PHACTR2: variants seen among roughly 807,000 people sequenced by gnomAD.
The protein encoded by PHACTR2 is phosphatase and actin regulator 2.
In PHACTR2, 30 loss-of-function variants were observed where a neutral mutation model predicts 76.0. The ratio of observed to expected loss-of-function variants is 0.39; its 90% confidence interval spans 0.30 to 0.54. PHACTR2 has a LOEUF of 0.54. Among genes scored for constraint, PHACTR2 ranks in the 20% least tolerant of loss-of-function variants. PHACTR2 has a pLI of 0.61. For synonymous variants in PHACTR2, 292 were observed against 292.5 expected (o/e 1.00, Z 0.02); for missense variants, 696 against 781.1 (o/e 0.89, Z 1.30).
At chr6:143,661,592 C>T (rs1167155928) in intron 1 of PHACTR2, among the ~76,000 whole-genome samples, 7 of 145,950 alleles carry the variant, frequency 4.8e-5, no homozygotes, top group South Asian at 2.1e-4. Flanking sequence ...GAGGCAGTCT[C>T]GCTCTGTCAC....
intron 1 of PHACTR2, among the ~76,000 whole-genome samples, chr6:143,637,142 G>A (rs1163892769): frequency 2.6e-5 from 4 of 152,110 alleles, no homozygotes; most frequent in Non-Finnish European, 2.9e-5. Flanking sequence ...ACCGGGGGTG[G>A]TGCAAATGGT....
rs896378780 is a variant in PHACTR2 at position 143,656,049 on chromosome 6, A to T, written c.13+47727A>T. ...CTTATCCTAAGGTGATTACCGGGGG[A>T]AATATTTAAAAGAAGCATCAGTGGA... On this transcript the variant is annotated intron_variant, in intron 1 of 11. Transcript: ENST00000305766. This position sits in a 1 kb window ranked among gnomAD's most constrained non-coding sequence, Gnocchi z 5.3. Among the ~76,000 whole-genome samples the T allele has an allele frequency of 2.0e-5, 3 of 152,154 alleles. No individual in the cohort carries two copies. Among genetic ancestry groups the T allele is most frequent in the African/African-American group, 7.2e-5 (3 of 41,438 alleles).
At chr6:143,655,404 C>T (rs756362143) in intron 1 of PHACTR2, among the ~76,000 whole-genome samples, 3 of 152,008 alleles carry the variant, frequency 2.0e-5, no homozygotes, top group Non-Finnish European at 2.9e-5. Context: ...GTGATGGTCA[C>T]ACAACTCTAT....
chr6:143,561,194 C>G lies in PHACTR2; in HGVS notation c.217+23987C>G, dbSNP rs1352749699. 1 of 152,282 alleles carries G rather than the reference C, an allele frequency of 6.6e-6. No homozygotes were observed. Among genetic ancestry groups the G allele is most frequent in the Non-Finnish European group, 1.5e-5 (1 of 68,132 alleles). The allele number at this position is 152,282 out of a possible 1,614,324, so 9.4% of individuals were successfully genotyped here. A position where few individuals can be genotyped will look rare whatever the true frequency, so the allele number is the denominator to read the frequency against. ...TCTGACCTTGGCGGGATGCTTGAAC[C>G]ATTCTGCCCTTTCAGAAGGTTCTGC... On this transcript the variant is annotated intron_variant, in intron 1 of 11. Transcript: ENST00000367584. The surrounding 1 kb of genome is among the most constrained non-coding windows in gnomAD (Gnocchi z 4.1).
At chr6:143,576,613 A>G (rs559744362) in intron 1 of PHACTR2, among the ~76,000 whole-genome samples, 2 of 152,222 alleles carry the variant, frequency 1.3e-5, no homozygotes, top group Non-Finnish European at 2.9e-5. Flanking sequence ...GCGGTGGCTC[A>G]GGCCTGTAAT....
At position 143,827,194 on chromosome 6, in the gene PHACTR2, A is replaced by ATG. The variant is rs1776562991; in HGVS notation, c.*3506_*3507insGT. The stretch of plus-strand genomic sequence containing the variant: ...TATATATATATATATATATATATAT[A>ATG]TATATGTATATTATATATACAGTAG... On this transcript the variant is annotated 3_prime_UTR_variant, in exon 13 of 13. Coordinates refer to ENST00000440869, the MANE Select transcript of PHACTR2 (RefSeq NM_001100164.2). The ATG allele has an allele frequency of 8.2e-6, 1 of 121,786 alleles. No homozygotes were observed. The highest frequency in any genetic ancestry group is 3.0e-5 in the African/African-American group (1 of 33,654). 7.5% of individuals were successfully genotyped at this position (121,786 alleles called of 1,614,324 possible). A position where few individuals can be genotyped will look rare whatever the true frequency, so the allele number is the denominator to read the frequency against.
At chr6:143,640,074 T>G (rs1776538358) in intron 1 of PHACTR2, among the ~76,000 whole-genome samples, 2 of 152,230 alleles carry the variant, frequency 1.3e-5, no homozygotes, top group Admixed American at 1.3e-4. Context: ...TCACAGTTGT[T>G]GTGCTGTCAT....
chr6:143,551,763 T>G (rs979385009), intron 1 of PHACTR2, among the ~76,000 whole-genome samples: 1 of 152,076 alleles, frequency 6.6e-6, no homozygotes, highest in Non-Finnish European at 1.5e-5. Flanking sequence ...ATATGTTAAT[T>G]TTGTTATCTG....
chr6:143,660,865 C>T (rs927173876), intron 1 of PHACTR2, among the ~76,000 whole-genome samples: 1 of 152,078 alleles, frequency 6.6e-6, no homozygotes, highest in Non-Finnish European at 1.5e-5. Flanking sequence ...AAAATAAAAC[C>T]TCAAGGAAGG....
chr6:143,765,690 C>T lies in PHACTR2; in HGVS notation c.1124C>T (p.Pro375Leu), dbSNP rs1164338793. 1 of 1,614,152 alleles carries T rather than the reference C, an allele frequency of 6.2e-7. No homozygotes were observed. The highest frequency in any genetic ancestry group is 1.3e-5 in the African/African-American group (1 of 75,032). ...CTCGTCAGCGTTGGAGCTGACCTGCCCGTCTCTGCCTTAGACCCAAGTCAG... is the reference window on the plus strand; with the variant it reads ...CTCGTCAGCGTTGGAGCTGACCTGCTCGTCTCTGCCTTAGACCCAAGTCAG... ...VVLVSVGADL[P>L]VSALDPSQLL... Residue 375 changes from proline to leucine, a missense_variant, in exon 6 of 13, where the codon CCC (proline) becomes CTC (leucine). By Grantham distance (98) the Pro-to-Leu change is moderately conservative. Around this residue, in one of 2 missense-constraint regions of PHACTR2, gnomAD observed 236 missense variants for 330.2 expected, o/e 0.71. Coordinates refer to ENST00000440869, the MANE Select transcript of PHACTR2 (RefSeq NM_001100164.2). This position sits in a 1 kb window ranked among gnomAD's most constrained non-coding sequence, Gnocchi z 4.1.
Position 143,743,134 on chromosome 6 carries a change from T to C in PHACTR2, c.215-5851T>C, listed in dbSNP as rs905381800. ...TAGTGAGATCTCCATGCAGAGCTAC[T>C]GTGTGAAGAGAACTTAACATTTTAG... On this transcript the variant is annotated intron_variant, in intron 2 of 12. Coordinates refer to ENST00000440869, the MANE Select transcript of PHACTR2 (RefSeq NM_001100164.2). This position sits in a 1 kb window ranked among gnomAD's most constrained non-coding sequence, Gnocchi z 5.0. Among the ~76,000 whole-genome samples, 2 of 152,192 alleles carry C rather than the reference T, an allele frequency of 1.3e-5. No individual in the cohort carries two copies. The highest frequency in any genetic ancestry group is 1.3e-4 in the Admixed American group (2 of 15,284).
Position 143,547,965 on chromosome 6 carries a change from A to T in PHACTR2, c.217+10758A>T, listed in dbSNP as rs1177529632. On this transcript the variant is annotated intron_variant, in intron 1 of 11. Transcript: ENST00000367584. This position sits in a 1 kb window ranked among gnomAD's most constrained non-coding sequence, Gnocchi z 4.2. ...ATCATCTATTAATCTATCTATCTTC[A>T]TCATCATCATCATGTGTATCATCTA... Among the ~76,000 whole-genome samples the T allele has an allele frequency of 6.6e-6, 1 of 151,870 alleles. No homozygotes were observed. Among genetic ancestry groups the T allele is most frequent in the African/African-American group, 2.4e-5 (1 of 41,290 alleles).
intron 2 of PHACTR2, 192 bp from the exon 3 acceptor site, chr6:143,748,793 G>C: frequency 2.3e-6 from 1 of 442,746 alleles, no homozygotes; most frequent in Non-Finnish European, 4.0e-6. Flanking sequence ...TTCAGATCAT[G>C]GGCTGCAGCC....
Position 143,561,447 on chromosome 6 carries a change from G to A in PHACTR2, c.217+24240G>A, listed in dbSNP as rs1304186769. 1 of 152,384 alleles carries A rather than the reference G, an allele frequency of 6.6e-6. No homozygotes were observed. The highest frequency in any genetic ancestry group is 1.5e-5 in the Non-Finnish European group (1 of 68,146). The allele number at this position is 152,384 out of a possible 1,614,324, so 9.4% of individuals were successfully genotyped here. On this transcript the variant is annotated intron_variant, in intron 1 of 11. Transcript: ENST00000367584. The surrounding 1 kb of genome is among the most constrained non-coding windows in gnomAD (Gnocchi z 4.1). The stretch of plus-strand genomic sequence containing the variant: ...AAATTTTGTGGTGATCACCACCCAG[G>A]TCCTGTGGTTGAAGTCTCAGCCTTT...
At chr6:143,650,776 A>G (rs1429050285) in intron 1 of PHACTR2, among the ~76,000 whole-genome samples, 1 of 152,208 alleles carries the variant, frequency 6.6e-6, no homozygotes, top group East Asian at 1.9e-4. Flanking sequence ...GCATGGGCAA[A>G]GATTTCATGA....
chr6:143,567,649 T>C (rs1338775041), intron 1 of PHACTR2, among the ~76,000 whole-genome samples: 1 of 152,244 alleles, frequency 6.6e-6, no homozygotes, highest in African/African-American at 2.4e-5. Context: ...TCCACCTACC[T>C]CTGCCTCTCA....
At chr6:143,735,221 A>G (rs1163119293) in intron 2 of PHACTR2, among the ~76,000 whole-genome samples, 1 of 152,184 alleles carries the variant, frequency 6.6e-6, no homozygotes, top group African/African-American at 2.4e-5. Context: ...CTTTATTCCA[A>G]AGTATAAGTG....
In PHACTR2 at chr6:143,583,285, A is replaced by G. The variant is rs1775594708; in HGVS notation, c.217+46078A>G. 6.6e-6 allele frequency among the ~76,000 whole-genome samples: 1 copy of G among 152,358 alleles called. No individual in the cohort carries two copies. The highest frequency in any genetic ancestry group is 3.4e-3 in the Middle Eastern group (1 of 294). ...AAACCATGATTTAGTGAATGAAAGC[A>G]CTTATACCATGTGAGAATGGGTTAC... On this transcript the variant is annotated intron_variant, in intron 1 of 11. Coordinates refer to the PHACTR2 transcript ENST00000367584. This position sits in a 1 kb window ranked among gnomAD's most constrained non-coding sequence, Gnocchi z 4.0.
At chr6:143,565,363 A>G (rs891143597) in intron 1 of PHACTR2, among the ~76,000 whole-genome samples, 11 of 152,202 alleles carry the variant, frequency 7.2e-5, no homozygotes, top group African/African-American at 2.7e-4. Context: ...TCACGCCTGT[A>G]ATCCCGGCAC....
Sources: gnomAD v4.1 joint callset for allele counts (sites outside exome capture counted in the v4.1 genomes callset) on GRCh38, gnomAD v4.1.1 for gene constraint, gnomAD v4.1.1 regional missense constraint, Gnocchi (gnomAD v3.1) non-coding constraint, MANE v1.5 for transcripts, NCBI Gene and HGNC (gene_info 2026-07-23, HGNC 2026-07-21) for gene names.